GAB1: variants seen among roughly 807,000 people sequenced by gnomAD.
GAB1 encodes the protein GRB2-associated-binding protein 1.
A neutral mutation model predicts 66.5 loss-of-function variants in GAB1; 19 were observed. The ratio of observed to expected loss-of-function variants is 0.29; its 90% CI spans 0.20 to 0.42. GAB1 has a LOEUF of 0.42. GAB1 is among the 10% of genes least tolerant of loss of function. The pLI, the probability that GAB1 is intolerant of heterozygous loss-of-function variation, is 1.00. For synonymous variants in GAB1, 294 were observed against 301.4 expected, an observed-to-expected ratio of 0.98 and a Z score of 0.25; for missense variants, 732 against 858.5, an observed-to-expected ratio of 0.85 and a Z score of 1.84.
At chr4:143,342,852 C>T (rs371344763) in intron 1 of GAB1, among the ~76,000 whole-genome samples, 2 of 152,058 alleles carry the variant, frequency 1.3e-5, no homozygotes, top group South Asian at 2.1e-4. Context: ...TGTGAGCCAC[C>T]GTGCCCAGCC....
chr4:143,400,322 G>A (rs531120894), intron 1 of GAB1, among the ~76,000 whole-genome samples: 1 of 152,306 alleles, frequency 6.6e-6, no homozygotes, highest in Non-Finnish European at 1.5e-5. Flanking sequence ...ATGGTAGAGT[G>A]TGAAAAGGGG....
intron 2 of GAB1, among the ~76,000 whole-genome samples, chr4:143,428,132 T>A (rs1401036673): frequency 6.6e-6 from 1 of 152,218 alleles, no homozygotes; most frequent in Non-Finnish European, 1.5e-5. Flanking sequence ...CCTTTATCCG[T>A]GAAAGGAGAA....
At chr4:143,374,977 T>C (rs1730348911) in intron 1 of GAB1, among the ~76,000 whole-genome samples, 1 of 152,222 alleles carries the variant, frequency 6.6e-6, no homozygotes, top group African/African-American at 2.4e-5. Context: ...TCTTGGAGTC[T>C]CACTCTGTAG....
intron 1 of GAB1, among the ~76,000 whole-genome samples, chr4:143,414,115 AC>A (rs1480952421): frequency 6.6e-6 from 1 of 152,082 alleles, no homozygotes. Context: ...GAGCCACTGC[AC>A]CCAGGCCCAG....
At chr4:143,461,815 AAAGC>A in intron 8 of GAB1, among the ~76,000 whole-genome samples, 1 of 152,346 alleles carries the variant, frequency 6.6e-6, no homozygotes, top group Non-Finnish European at 1.5e-5. Context: ...TATAAAATAT[AAAGC>A]CCAATTCTGT....
chr4:143,421,227 C>T (rs148033288), intron 2 of GAB1, among the ~76,000 whole-genome samples: 19 of 152,234 alleles, frequency 1.2e-4, no homozygotes, highest in African/African-American at 4.6e-4. Context: ...CATGTTGTAG[C>T]ATGTAACAAG....
intron 1 of GAB1, among the ~76,000 whole-genome samples, chr4:143,362,602 T>A (rs914028283): frequency 1.3e-5 from 2 of 152,224 alleles, no homozygotes; most frequent in Non-Finnish European, 2.9e-5. Flanking sequence ...GATGTTGCCA[T>A]GGCATTTGTA....
rs1308559510 is a variant in GAB1, at chr4:143,473,060, G to C, written c.*3871G>C. 6.6e-6 allele frequency: 1 copy of C among 152,052 alleles called. No individual in the cohort carries two copies. The highest frequency in any genetic ancestry group is 1.9e-4 in the East Asian group (1 of 5,188). 9.4% of individuals were successfully genotyped at this position (152,052 alleles called of 1,614,324 possible). A position where few individuals can be genotyped will look rare whatever the true frequency, so the allele number is the denominator to read the frequency against. Reference sequence around the variant, plus strand: ...CTTCTATAGACTTAATTTTATTCCGGTTCAGTATAATCTCTGTTAACAGAG... The same window carrying C: ...CTTCTATAGACTTAATTTTATTCCGCTTCAGTATAATCTCTGTTAACAGAG... On this transcript the variant is annotated 3_prime_UTR_variant, in exon 10 of 10. Coordinates refer to ENST00000262994, the MANE Select transcript of GAB1 (RefSeq NM_002039.4).
chr4:143,432,402 A>C (rs1309421566), intron 2 of GAB1, among the ~76,000 whole-genome samples: 1 of 152,196 alleles, frequency 6.6e-6, no homozygotes, highest in Non-Finnish European at 1.5e-5. Flanking sequence ...GGGTTTTGTC[A>C]CGTGACCAGG....
chr4:143,355,503 G>A (rs1175013303), intron 1 of GAB1, among the ~76,000 whole-genome samples: 2 of 152,136 alleles, frequency 1.3e-5, no homozygotes, highest in African/African-American at 4.8e-5. Flanking sequence ...GGCACAGTAG[G>A]TTAAGTATTC....
chr4:143,427,312 T>TC (rs1733414008), intron 2 of GAB1, among the ~76,000 whole-genome samples: 1 of 152,088 alleles, frequency 6.6e-6, no homozygotes, highest in African/African-American at 2.4e-5. Context: ...AGCAGTCAGA[T>TC]CCCCCTCAGA....
intron 1 of GAB1, among the ~76,000 whole-genome samples, chr4:143,387,451 T>C (rs537783589): frequency 2.0e-4 from 31 of 152,224 alleles, no homozygotes; most frequent in African/African-American, 5.8e-4. Flanking sequence ...GAAGAAGCAA[T>C]GTTCAGGGAC....
In GAB1 at chr4:143,473,801, G is replaced by T. The variant is rs564863914; in HGVS notation, c.*4612G>T. ...ACAATTGCTGTAAGTCAGCACTTTGGTCCACTCAGCCCACCCAGCCCACTT... is the reference window on the plus strand; with the variant it reads ...ACAATTGCTGTAAGTCAGCACTTTGTTCCACTCAGCCCACCCAGCCCACTT... On this transcript the variant is annotated 3_prime_UTR_variant, in exon 10 of 10. Transcript: ENST00000262994. 2.0e-5 allele frequency: 3 copies of T among 152,094 alleles called. No homozygotes were observed. Among genetic ancestry groups the T allele is most frequent in the Non-Finnish European group, 4.4e-5 (3 of 68,012 alleles). 9.4% of individuals were successfully genotyped at this position (152,094 alleles called of 1,614,324 possible).
rs1560725949 is a variant in GAB1 at position 143,373,868 on chromosome 4, A to ATATAT, written c.72+36608_72+36609insTATAT. ...CTCTCTCTCTCTCTGTAAATAAATAAATATATATATATATATATTTTTACC... is the reference window on the plus strand; with the variant it reads ...CTCTCTCTCTCTCTGTAAATAAATAATATATATATATATATATATATATTTTTACC... On this transcript the variant is annotated intron_variant, in intron 1 of 9. Transcript: ENST00000262994. Among the ~76,000 whole-genome samples the ATATAT allele has an allele frequency of 1.5e-3, 142 of 93,674 alleles. 11 individuals are homozygous for ATATAT. Among genetic ancestry groups the ATATAT allele is most frequent in the Middle Eastern group, 6.3e-3 (1 of 160 alleles). 61.5% of individuals were successfully genotyped at this position (93,674 alleles called of 152,430 possible).
intron 6 of GAB1, among the ~76,000 whole-genome samples, chr4:143,447,174 A>G (rs1258405559): frequency 7.2e-5 from 11 of 152,056 alleles, no homozygotes; most frequent in African/African-American, 1.2e-4. Context: ...TGGTACCAGT[A>G]CCATGCTGTT....
At chr4:143,417,015 A>C (rs1278031893) in intron 2 of GAB1, among the ~76,000 whole-genome samples, 1 of 152,216 alleles carries the variant, frequency 6.6e-6, no homozygotes, top group Non-Finnish European at 1.5e-5. Context: ...AGTACCAAAC[A>C]AATGAATTAC....
At chr4:143,465,375 G>T (rs1397145084) in intron 8 of GAB1, among the ~76,000 whole-genome samples, 1 of 151,952 alleles carries the variant, frequency 6.6e-6, no homozygotes, top group African/African-American at 2.4e-5. Flanking sequence ...CATCTGAAAT[G>T]GTTATTTACA....
chr4:143,457,432 C>T (rs1735250745), intron 6 of GAB1, among the ~76,000 whole-genome samples: 1 of 152,110 alleles, frequency 6.6e-6, no homozygotes. Flanking sequence ...TAAAATCCTG[C>T]CATCTTTTAT....
intron 2 of GAB1, among the ~76,000 whole-genome samples, chr4:143,432,504 G>A (rs1337323693): frequency 6.6e-6 from 1 of 152,194 alleles, no homozygotes; most frequent in Non-Finnish European, 1.5e-5. Flanking sequence ...CCAGCAAAGC[G>A]AGATGGGGTC....
Sources: allele counts gnomAD v4.1 joint callset (sites outside exome capture counted in the v4.1 genomes callset), GRCh38; gene constraint gnomAD v4.1.1; transcripts MANE v1.5; gene names NCBI Gene and HGNC (gene_info 2026-07-23, HGNC 2026-07-21).